The following CES5A variants were observed in gnomAD, a reference collection of about 807,000 sequenced individuals.
CES5A encodes carboxylesterase 5A.
CES5A carries 67 observed loss-of-function variants against 62.9 expected under a neutral mutation model. That is an observed-to-expected ratio of 1.07 (90% CI 0.88 to 1.31). CES5A has a LOEUF of 1.31. Among genes scored for constraint, CES5A ranks in the 50% most tolerant of loss-of-function variants. The probability of loss-of-function intolerance (pLI) is 0.00; values close to 1 mark genes in which losing one functional copy is unlikely to be tolerated. For synonymous variants in CES5A, 296 were observed against 280.8 expected, an observed-to-expected ratio of 1.05 and a Z score of -0.54; for missense variants, 748 against 708.5, an observed-to-expected ratio of 1.06 and a Z score of -0.63.
chr16:55,908,344 GTTGTTTGT>G (rs3068646), intron 1 of CES5A, among the ~76,000 whole-genome samples: 18 of 150,826 alleles, frequency 1.2e-4, no homozygotes, highest in African/African-American at 2.9e-4. Context: ...CAGTTTTGTT[GTTGTTTGT>G]TTGTTTGTTT....
chr16:55,912,389 T>C (rs1166524990), intron 1 of CES5A, among the ~76,000 whole-genome samples: 1 of 152,194 alleles, frequency 6.6e-6, no homozygotes, highest in Non-Finnish European at 1.5e-5. Context: ...CTCTCTGGGC[T>C]TCTGATTTTG....
At chr16:55,900,944 A>G (rs1490738957) in intron 1 of CES5A, among the ~76,000 whole-genome samples, 5 of 152,328 alleles carry the variant, frequency 3.3e-5, no homozygotes, top group Non-Finnish European at 7.4e-5. Context: ...ACTGAAGCAC[A>G]AAGAGGAAGG....
At chr16:55,919,141 G>A (rs1483121840) in intron 1 of CES5A, among the ~76,000 whole-genome samples, 1 of 152,230 alleles carries the variant, frequency 6.6e-6, no homozygotes, top group Non-Finnish European at 1.5e-5. Context: ...TGGGCACCAA[G>A]CCTTCTGCTG....
At chr16:55,866,327 A>G (rs2033459786) in intron 4 of CES5A, among the ~76,000 whole-genome samples, 1 of 152,162 alleles carries the variant, frequency 6.6e-6, no homozygotes, top group African/African-American at 2.4e-5. Flanking sequence ...TGCACCTAAG[A>G]AAAATGCACA....
At chr16:55,881,615 C>T (rs1341126471) in intron 1 of CES5A, among the ~76,000 whole-genome samples, 1 of 152,018 alleles carries the variant, frequency 6.6e-6, no homozygotes, top group Non-Finnish European at 1.5e-5. Flanking sequence ...TTCGAATGGC[C>T]AAGTATTGAT....
At chr16:55,895,888 G>A (rs925900312) in intron 1 of CES5A, among the ~76,000 whole-genome samples, 1 of 152,130 alleles carries the variant, frequency 6.6e-6, no homozygotes, top group African/African-American at 2.4e-5. Context: ...GGTCCCTTAT[G>A]AACAAATTAA....
Position 55,883,076 on chromosome 16 carries a change from G to A in CES5A, c.-255-9039C>T, listed in dbSNP as rs142602305. On this transcript the variant is annotated intron_variant, in intron 1 of 12. Transcript: ENST00000518005. Reference sequence around the variant, plus strand: ...TACAGCTGCAGCATACGTTATAGCAGAAGCCTTATTCACCTGCTCAAGCAG... The same window carrying A: ...TACAGCTGCAGCATACGTTATAGCAAAAGCCTTATTCACCTGCTCAAGCAG... Among the ~76,000 whole-genome samples the A allele has an allele frequency of 1.1e-4, 16 of 152,308 alleles. No individual in the cohort carries two copies. In the East Asian group the frequency reaches 2.9e-3, roughly 28 times the overall value.
At chr16:55,928,182 G>T (rs2034277339), upstream of CES5A, among the ~76,000 whole-genome samples, 2 of 152,174 alleles carry the variant, frequency 1.3e-5, 1 homozygote, top group Middle Eastern at 6.8e-3. Flanking sequence ...GGTGGAGCTT[G>T]CAGTGAGCCA....
intron 8 of CES5A, among the ~76,000 whole-genome samples, chr16:55,858,357 G>A (rs2033284635): frequency 6.6e-6 from 1 of 152,208 alleles, no homozygotes; most frequent in African/African-American, 2.4e-5. Context: ...CTGTTTTCAA[G>A]TTGTTGCTTG....
chr16:55,895,942 G>A (rs2033927758), intron 1 of CES5A, among the ~76,000 whole-genome samples: 1 of 152,166 alleles, frequency 6.6e-6, no homozygotes, highest in Admixed American at 6.5e-5. Flanking sequence ...TCATGGGAAT[G>A]GATTAGTTCC....
chr16:55,857,627 C>T (rs548675027), intron 8 of CES5A, among the ~76,000 whole-genome samples: 2 of 152,306 alleles, frequency 1.3e-5, no homozygotes, highest in African/African-American at 4.8e-5. Context: ...TTGGGGATTT[C>T]CTGTGGCCTC....
Position 55,871,720 on chromosome 16 carries a change from G to C in CES5A, c.322C>G (p.Leu108Val). The change falls in exon 3 of 13, where the codon CTC becomes GTC. Residue 108 changes from leucine (L) to valine (V), a missense_variant. By Grantham distance (32) the Leu-to-Val change is conservative (BLOSUM62 1). Coordinates refer to ENST00000290567, the MANE Select transcript of CES5A (RefSeq NM_001143685.2). ...SEWLLLDQHMLKVHYPKFGVS... is the reference protein window; with the variant it reads ...SEWLLLDQHMVKVHYPKFGVS... ...CCGAATTTCGGGTAATGCACCTTGA[G>C]CATATGTTGATCTAAGAGCAGCCAC... 6.2e-7 allele frequency: 1 copy of C among 1,614,138 alleles called. No homozygotes were observed. Among genetic ancestry groups the C allele is most frequent in the Non-Finnish European group, 8.5e-7 (1 of 1,179,998 alleles).
chr16:55,935,879 A>G (rs1350298080), intron 2 of CES5A, among the ~76,000 whole-genome samples: 2 of 152,094 alleles, frequency 1.3e-5, no homozygotes, highest in Non-Finnish European at 2.9e-5. Flanking sequence ...ATGCCTTCCA[A>G]CTGTCTCATC....
intron 1 of CES5A, among the ~76,000 whole-genome samples, chr16:55,888,809 C>T (rs1217772310): frequency 1.3e-5 from 2 of 152,168 alleles, no homozygotes; most frequent in Non-Finnish European, 2.9e-5. Flanking sequence ...AAGTGAAGGT[C>T]ACAGAGCTGG....
intron 1 of CES5A, among the ~76,000 whole-genome samples, chr16:55,950,726 C>CGATGGAAGTCTTTAGATTGAAAAAAAA (rs2034545450): frequency 6.6e-6 from 1 of 151,432 alleles, no homozygotes; most frequent in Non-Finnish European, 1.5e-5. Flanking sequence ...ACCCAAAAAA[C>CGATGGAAGTCTTTAGATTGAAAAAAAA]GATGGAAGTC....
chr16:55,934,463 G>A (rs899877892), intron 2 of CES5A, among the ~76,000 whole-genome samples: 6 of 152,090 alleles, frequency 3.9e-5, no homozygotes, highest in Non-Finnish European at 7.4e-5. Context: ...ATTGATCCAC[G>A]GACTGGACTT....
At chr16:55,849,554 C>T in intron 11 of CES5A, 70 bp downstream of exon 11, 14 of 1,553,948 alleles carry the variant, frequency 9.0e-6, no homozygotes, top group Non-Finnish European at 1.2e-5. Flanking sequence ...CGAAGTCCTC[C>T]AGGCGCTTGC....
intron 1 of CES5A, among the ~76,000 whole-genome samples, chr16:55,911,653 C>T (rs114358552): frequency 2.4e-3 from 359 of 152,234 alleles, no homozygotes; most frequent in African/African-American, 7.7e-3. Context: ...TTCTATTCTG[C>T]GCTTATTCTG....
chr16:55,883,859 T>C (rs2033786518), intron 1 of CES5A, among the ~76,000 whole-genome samples: 1 of 152,184 alleles, frequency 6.6e-6, no homozygotes, highest in African/African-American at 2.4e-5. Flanking sequence ...ATGACCACTA[T>C]TGGTGGGGTC....
Sources: gnomAD v4.1 joint callset for allele counts (sites outside exome capture counted in the v4.1 genomes callset) on GRCh38, gnomAD v4.1.1 for gene constraint, MANE v1.5 for transcripts, NCBI Gene and HGNC (gene_info 2026-07-23, HGNC 2026-07-21) for gene names.